PCDH15: variants seen among roughly 807,000 people sequenced by gnomAD.
PCDH15 encodes protocadherin related 15, also known as protocadherin-15.
Under a neutral mutation model 178.5 loss-of-function variants are expected in PCDH15, and 129 were observed. The ratio of observed to expected loss-of-function variants is 0.72; its 90% CI spans 0.63 to 0.84. The LOEUF (loss-of-function observed/expected upper bound fraction) is 0.84, where lower values mean the gene tolerates loss of function less well. Ranked by LOEUF, PCDH15 falls within the 40% of genes least tolerant of loss-of-function variation. PCDH15 has a pLI of 0.00. For synonymous variants in PCDH15, 800 were observed against 732.0 expected, an observed-to-expected ratio of 1.09 and a Z score of -1.50; for missense variants, 2,230 against 2,099.9, an observed-to-expected ratio of 1.06 and a Z score of -1.21.
chr10:55,546,320 A>C (rs991646978), intron 2 of PCDH15, among the ~76,000 whole-genome samples: 75 of 152,192 alleles, frequency 4.9e-4, no homozygotes, highest in African/African-American at 1.7e-3. Flanking sequence ...CAAATAATAC[A>C]GTATATTAGT....
At chr10:54,153,421 A>G (rs2044757923) in intron 13 of PCDH15, 128 bp from the exon 14 acceptor site, 1 of 1,013,966 alleles carries the variant, frequency 9.9e-7, no homozygotes, top group South Asian at 1.4e-5. Context: ...TGACATATAT[A>G]CTGTTTTTTG....
chr10:55,270,532 T>A (rs1288335424), intron 1 of PCDH15, among the ~76,000 whole-genome samples: 3 of 151,800 alleles, frequency 2.0e-5, no homozygotes, highest in African/African-American at 7.3e-5. Context: ...CCAATGAACT[T>A]GAAAAAAATG....
At chr10:54,380,690 C>CAT (rs1949094344) in intron 3 of PCDH15, among the ~76,000 whole-genome samples, 11 of 45,496 alleles carry the variant, frequency 2.4e-4, no homozygotes, top group African/African-American at 8.5e-4. Flanking sequence ...ATATATGCTC[C>CAT]ATATATATAT....
At chr10:55,301,826 C>T (rs1467638829) in intron 1 of PCDH15, among the ~76,000 whole-genome samples, 1 of 152,082 alleles carries the variant, frequency 6.6e-6, no homozygotes, top group Non-Finnish European at 1.5e-5. Flanking sequence ...ATTGCTCCAG[C>T]AAAATTTATT....
At chr10:55,106,506 C>G (rs1184506815) in intron 2 of PCDH15, among the ~76,000 whole-genome samples, 1 of 152,170 alleles carries the variant, frequency 6.6e-6, no homozygotes, top group East Asian at 1.9e-4. Context: ...ACTTCAGCCT[C>G]CTGGGTTCAA....
At chr10:54,570,186 C>A in intron 2 of PCDH15, among the ~76,000 whole-genome samples, 1 of 151,906 alleles carries the variant, frequency 6.6e-6, no homozygotes, top group East Asian at 1.9e-4. Flanking sequence ...CCATGTGGAA[C>A]CATACTGGAG....
chr10:55,256,592 C>G (rs1033336542), intron 1 of PCDH15, among the ~76,000 whole-genome samples: 8 of 152,162 alleles, frequency 5.3e-5, no homozygotes, highest in African/African-American at 1.9e-4. Flanking sequence ...GCACCTGGCT[C>G]GGAGGGTCCC....
At chr10:55,039,444 G>T (rs1840814248) in intron 2 of PCDH15, among the ~76,000 whole-genome samples, 1 of 152,078 alleles carries the variant, frequency 6.6e-6, no homozygotes, top group Non-Finnish European at 1.5e-5. Flanking sequence ...TCTTCCAGTA[G>T]TTAGGCATAT....
At chr10:54,928,346 C>A (rs1312065832) in intron 2 of PCDH15, among the ~76,000 whole-genome samples, 1 of 152,026 alleles carries the variant, frequency 6.6e-6, no homozygotes, top group African/African-American at 2.4e-5. Flanking sequence ...GTGACCTGAC[C>A]TTTCTCTCTA....
intron 23 of PCDH15, among the ~76,000 whole-genome samples, chr10:53,950,626 G>A (rs1048609637): frequency 6.6e-6 from 1 of 152,086 alleles, no homozygotes; most frequent in South Asian, 2.1e-4. Flanking sequence ...TTTTAAAACT[G>A]ATGACAAGTG....
intron 2 of PCDH15, among the ~76,000 whole-genome samples, chr10:55,007,643 CT>C (rs2131938846): frequency 6.6e-6 from 1 of 152,166 alleles, no homozygotes; most frequent in African/African-American, 2.4e-5. Flanking sequence ...AAAACTCCTT[CT>C]TAGTTTGAAT....
chr10:54,258,910 C>A (rs1342672483), intron 8 of PCDH15, among the ~76,000 whole-genome samples: 1 of 151,984 alleles, frequency 6.6e-6, no homozygotes, highest in African/African-American at 2.4e-5. Flanking sequence ...GCATTTATTT[C>A]TTATTTCATC....
At chr10:55,233,992 C>T (rs1301886513) in intron 1 of PCDH15, among the ~76,000 whole-genome samples, 1 of 152,038 alleles carries the variant, frequency 6.6e-6, no homozygotes, top group East Asian at 1.9e-4. Context: ...TCTCACTCAT[C>T]TTATATTACC....
chr10:55,522,976 T>TGAG (rs1841218836), intron 2 of PCDH15, among the ~76,000 whole-genome samples: 1 of 151,662 alleles, frequency 6.6e-6, no homozygotes, highest in South Asian at 2.1e-4. Context: ...TGTATCTACT[T>TGAG]GAGAATTTTT....
chr10:55,213,564 T>A (rs1041128835), intron 1 of PCDH15, among the ~76,000 whole-genome samples: 11 of 151,902 alleles, frequency 7.2e-5, no homozygotes, highest in African/African-American at 2.4e-4. Context: ...TTTTTTAGTG[T>A]TTACATTTTT....
At chr10:54,121,882 G>A (rs1004678137) in intron 15 of PCDH15, among the ~76,000 whole-genome samples, 1 of 151,962 alleles carries the variant, frequency 6.6e-6, no homozygotes, top group Non-Finnish European at 1.5e-5. Context: ...TTCTACCAGA[G>A]GTCCAAAGAA....
At chr10:55,178,260 C>A (rs1439318094) in intron 1 of PCDH15, among the ~76,000 whole-genome samples, 2 of 152,234 alleles carry the variant, frequency 1.3e-5, no homozygotes, top group East Asian at 3.9e-4. Context: ...GACCAAGCAG[C>A]TAAATTGGCA....
intron 27 of PCDH15, among the ~76,000 whole-genome samples, chr10:53,858,180 G>T (rs112582883): frequency 9.9e-5 from 15 of 152,018 alleles, no homozygotes; most frequent in Non-Finnish European, 1.8e-4. Context: ...AAATATAAAT[G>T]CATTTGTACC....
chr10:53,964,017 T>C (rs2088668378), intron 21 of PCDH15, among the ~76,000 whole-genome samples: 1 of 152,242 alleles, frequency 6.6e-6, no homozygotes, highest in Non-Finnish European at 1.5e-5. Context: ...TTCATCTTGT[T>C]CATTTCCCTT....
Sources: gnomAD v4.1 joint callset for allele counts (sites outside exome capture counted in the v4.1 genomes callset) on GRCh38, gnomAD v4.1.1 for gene constraint, MANE v1.5 for transcripts, NCBI Gene and HGNC (gene_info 2026-07-23, HGNC 2026-07-21) for gene names.